PTPN11: variants seen among roughly 807,000 people sequenced by gnomAD.
PTPN11 encodes tyrosine-protein phosphatase non-receptor type 11.
A neutral mutation model predicts 78.8 loss-of-function variants in PTPN11; 6 were observed. That is an observed-to-expected ratio of 0.08 (90% CI 0.04 to 0.15). The LOEUF (loss-of-function observed/expected upper bound fraction) is 0.15, where lower values mean the gene tolerates loss of function less well. Among genes scored for constraint, PTPN11 ranks in the 10% least tolerant of loss-of-function variants. The probability of loss-of-function intolerance (pLI) is 1.00; values close to 1 mark genes in which losing one functional copy is unlikely to be tolerated. For missense variants in PTPN11, 386 were observed against 744.8 expected (o/e 0.52, Z 5.61); for synonymous variants, 221 against 263.5 (o/e 0.84, Z 1.56).
chr12:112,450,686 G>A (rs925409442), intron 3 of PTPN11, among the ~76,000 whole-genome samples, 174 bp downstream of exon 3: 3 of 152,124 alleles, frequency 2.0e-5, no homozygotes, highest in Non-Finnish European at 2.9e-5. Flanking sequence ...TATTTTCAGA[G>A]TACCTTTTTC....
At chr12:112,478,775 C>T (rs540160915) in intron 9 of PTPN11, among the ~76,000 whole-genome samples, 1 of 152,126 alleles carries the variant, frequency 6.6e-6, no homozygotes, top group Admixed American at 6.6e-5. Flanking sequence ...GGTCTGTTGC[C>T]CAGGCCGGAG....
chr12:112,502,013 A>ATTCT, intron 13 of PTPN11, 131 bp from the exon 14 acceptor site: 1 of 717,064 alleles, frequency 1.4e-6, no homozygotes, highest in South Asian at 1.6e-5. Context: ...ATGTATCAGT[A>ATTCT]TTCTCAACCC....
intron 1 of PTPN11, among the ~76,000 whole-genome samples, chr12:112,444,428 G>A (rs868032842): frequency 4.0e-5 from 6 of 151,344 alleles, no homozygotes; most frequent in South Asian, 2.1e-4. Context: ...TGCAACCTCC[G>A]CCTCCCGGGT....
intron 1 of PTPN11, among the ~76,000 whole-genome samples, chr12:112,429,878 A>C (rs2037684146): frequency 6.6e-6 from 1 of 152,140 alleles, no homozygotes; most frequent in Non-Finnish European, 1.5e-5. Context: ...ATTAAAAAGA[A>C]ATTTTTAGAA....
chr12:112,442,258 C>T (rs1434385104), intron 1 of PTPN11, among the ~76,000 whole-genome samples: 1 of 152,064 alleles, frequency 6.6e-6, no homozygotes, highest in Non-Finnish European at 1.5e-5. Context: ...TACAAGTCAA[C>T]CTTATACAGG....
chr12:112,505,063 C>T lies in PTPN11; in HGVS notation c.*32+267C>T, dbSNP rs76662479. On this transcript the variant is annotated intron_variant, in intron 15 of 15. Transcript: ENST00000351677. ...AATGGCTGATACTGGTGGTAGAGTGCAGGTATCACTGTTCCTGCAATTTTT... is the reference window on the plus strand; with the variant it reads ...AATGGCTGATACTGGTGGTAGAGTGTAGGTATCACTGTTCCTGCAATTTTT... Among the ~76,000 whole-genome samples the T allele has an allele frequency of 0.027, 4,134 of 152,280 alleles. 77 individuals are homozygous for T. The highest frequency in any genetic ancestry group is 0.048 in the Middle Eastern group (14 of 294).
chr12:112,503,675 C>T (rs1270604867), intron 14 of PTPN11, among the ~76,000 whole-genome samples: 1 of 152,212 alleles, frequency 6.6e-6, no homozygotes, highest in African/African-American at 2.4e-5. Flanking sequence ...CAGCTCGTCC[C>T]TCCTGTTGGC....
In PTPN11 at chr12:112,490,304, C is replaced by CTT. The variant is rs1258631865; in HGVS notation, c.1599+1147_1599+1148dup. On this transcript the variant is annotated intron_variant, in intron 13 of 15. Coordinates refer to ENST00000351677, the MANE Select transcript of PTPN11 (RefSeq NM_002834.5). The stretch of plus-strand genomic sequence containing the variant: ...CAAGTTGGAGCATGTTCAGGGATGT[C>CTT]TTTTTTTTTTTTTTTTTTTGAGAGA... Among the ~76,000 whole-genome samples the CTT allele has an allele frequency of 1.9e-3, 250 of 128,692 alleles. 1 individual carries two copies. The Middle Eastern group carries it at 0.028, about 14-fold the overall frequency. The allele number at this position is 128,692 out of a possible 152,430, so 84.4% of individuals were successfully genotyped here. A position where few individuals can be genotyped will look rare whatever the true frequency, so the allele number is the denominator to read the frequency against.
chr12:112,439,615 C>T (rs930833425), intron 1 of PTPN11, among the ~76,000 whole-genome samples: 5 of 151,878 alleles, frequency 3.3e-5, no homozygotes, highest in African/African-American at 7.3e-5. Flanking sequence ...ACTATAGGCG[C>T]GCACCACCAT....
At position 112,489,151 on chromosome 12, in the gene PTPN11, A is replaced by G. The variant is rs143801479; in HGVS notation, c.1575A>G (p.Leu525=). 1.1e-5 allele frequency: 18 copies of G among 1,614,076 alleles called. No individual in the cohort carries two copies. In the African/African-American group the frequency reaches 2.0e-4, roughly 18 times the overall value. The change falls in exon 13 of 16, where the codon CTA becomes CTG. Residue 525 remains leucine (L), a synonymous_variant. Coordinates refer to ENST00000351677, the MANE Select transcript of PTPN11 (RefSeq NM_002834.5). The part of the protein sequence containing the change: ...YMAVQHYIET[L]QRRIEEEQKS... Reference sequence around the variant, plus strand: ...CGGTCCAGCATTATATTGAAACACTACAGCGCAGGATTGAAGAAGAGCAGG... The same window carrying G: ...CGGTCCAGCATTATATTGAAACACTGCAGCGCAGGATTGAAGAAGAGCAGG...
chr12:112,484,070 C>G (rs1324546555), intron 10 of PTPN11, among the ~76,000 whole-genome samples: 1 of 150,918 alleles, frequency 6.6e-6, no homozygotes, highest in East Asian at 2.0e-4. Flanking sequence ...AACAGGAGGG[C>G]AAAAGGAGAA....
chr12:112,440,563 CTTTTT>C (rs772805515), intron 1 of PTPN11, among the ~76,000 whole-genome samples: 1 of 90,722 alleles, frequency 1.1e-5, no homozygotes, highest in Non-Finnish European at 2.2e-5. Context: ...TGTGCCTGGC[CTTTTT>C]TTTTTTTTTT....
intron 13 of PTPN11, among the ~76,000 whole-genome samples, chr12:112,497,954 A>G (rs2038831819): frequency 6.6e-6 from 1 of 152,172 alleles, no homozygotes; most frequent in Non-Finnish European, 1.5e-5. Flanking sequence ...AGAGTTTGAG[A>G]CTAGCCTGGG....
At chr12:112,455,884 T>C in intron 5 of PTPN11, 66 bp from the exon 6 acceptor site, 1 of 912,122 alleles carries the variant, frequency 1.1e-6, no homozygotes. Flanking sequence ...TTTTTTTTTT[T>C]TTTTGCATTA....
At chr12:112,455,871 GTTTTTT>G in intron 5 of PTPN11, 73 bp from the exon 6 acceptor site, 6 of 681,558 alleles carry the variant, frequency 8.8e-6, no homozygotes, top group South Asian at 3.4e-5. Context: ...ACATAGACAT[GTTTTTT>G]TTTTTTTTTT....
chr12:112,433,423 G>A (rs2037742674), intron 1 of PTPN11, among the ~76,000 whole-genome samples: 1 of 152,122 alleles, frequency 6.6e-6, no homozygotes, highest in Non-Finnish European at 1.5e-5. Context: ...GCATTTCTCA[G>A]AACATATTCC....
At position 112,502,241 on chromosome 12, in the gene PTPN11, C is replaced by T. The variant is rs150730493; in HGVS notation, c.1697C>T (p.Thr566Met). Residue 566 changes from threonine to methionine, a missense_variant, in exon 14 of 16, where the codon ACG becomes ATG. Coordinates refer to ENST00000351677, the MANE Select transcript of PTPN11 (RefSeq NM_002834.5). ...DQSPLPPCTP[T>M]PPCAEMREDS... ...AGCCCTCTCCCGCCTTGTACTCCAA[C>T]GCCACCCTGTGCAGAGTAAGTAGTG... 1.1e-5 allele frequency: 17 copies of T among 1,612,536 alleles called. No homozygotes were observed. Among genetic ancestry groups the T allele is most frequent in the East Asian group, 6.7e-5 (3 of 44,882 alleles).
chr12:112,479,034 A>G (rs1229170106), intron 9 of PTPN11, among the ~76,000 whole-genome samples: 1 of 152,110 alleles, frequency 6.6e-6, no homozygotes, highest in African/African-American at 2.4e-5. Flanking sequence ...ATGCCTGGCC[A>G]TGTTGTCTGT....
intron 6 of PTPN11, among the ~76,000 whole-genome samples, chr12:112,459,715 G>C (rs2038219598): frequency 6.6e-6 from 1 of 151,870 alleles, no homozygotes; most frequent in South Asian, 2.1e-4. Context: ...TGATCCGCCT[G>C]ACTTGGCCTC....
Sources: gnomAD v4.1 joint callset for allele counts (sites outside exome capture counted in the v4.1 genomes callset) on GRCh38, gnomAD v4.1.1 for gene constraint, MANE v1.5 for transcripts, NCBI Gene and HGNC (gene_info 2026-07-23, HGNC 2026-07-21) for gene names.